COQ10B: variants seen among roughly 807,000 people sequenced by gnomAD.
COQ10B encodes coenzyme Q10B.
A neutral mutation model predicts 27.6 loss-of-function variants in COQ10B; 12 were observed. The observed-to-expected ratio is 0.43, with a 90% CI of 0.28 to 0.70. The LOEUF is 0.70. Among genes scored for constraint, COQ10B ranks in the 30% least tolerant of loss-of-function variants. The pLI is 0.17. For missense variants in COQ10B, 278 were observed against 288.7 expected (o/e 0.96, Z 0.27); for synonymous variants, 115 against 103.0 (o/e 1.12, Z -0.71).
chr2:197,475,241 A>C lies in COQ10B; in HGVS notation c.*1317A>C, dbSNP rs2085937841. ...TAAAAATATCTATGAAGATATCTAA[A>C]ATATCTATTTCTATGAAGAAACAGA... On this transcript the variant is annotated 3_prime_UTR_variant, in exon 5 of 5. Coordinates refer to ENST00000263960, the MANE Select transcript of COQ10B (RefSeq NM_025147.5). 6.6e-6 allele frequency: 1 copy of C among 152,256 alleles called. No homozygotes were observed. The highest frequency in any genetic ancestry group is 1.5e-5 in the Non-Finnish European group (1 of 68,030). 9.4% of individuals were successfully genotyped at this position (152,256 alleles called of 1,614,324 possible). A position where few individuals can be genotyped will look rare whatever the true frequency, so the allele number is the denominator to read the frequency against.
intron 2 of COQ10B, among the ~76,000 whole-genome samples, chr2:197,461,214 T>C (rs1418048097): frequency 1.3e-5 from 2 of 152,118 alleles, no homozygotes; most frequent in Admixed American, 6.6e-5. Flanking sequence ...TTTTTTCTCA[T>C]GTAGAGTTCA....
chr2:197,466,318 C>G (rs1279041555), intron 3 of COQ10B, among the ~76,000 whole-genome samples: 2 of 152,174 alleles, frequency 1.3e-5, no homozygotes, highest in Non-Finnish European at 2.9e-5. Flanking sequence ...AATGCACTTA[C>G]CTTCTTGATA....
At chr2:197,462,800 T>C (rs572610806) in intron 3 of COQ10B, 69 bp downstream of exon 3, 13 of 952,456 alleles carry the variant, frequency 1.4e-5, no homozygotes, top group Admixed American at 5.9e-5. Flanking sequence ...TGAGTTAAAA[T>C]GTAATAGCCT....
intron 3 of COQ10B, among the ~76,000 whole-genome samples, chr2:197,464,197 G>A (rs1181359171): frequency 2.0e-5 from 3 of 150,918 alleles, no homozygotes; most frequent in Admixed American, 1.3e-4. Context: ...TGTCAGAGGA[G>A]GATACACATG....
intron 3 of COQ10B, among the ~76,000 whole-genome samples, chr2:197,468,999 C>A (rs2106056554): frequency 6.6e-6 from 1 of 152,212 alleles, no homozygotes; most frequent in East Asian, 1.9e-4. Context: ...GCATCTCTTT[C>A]ATGGATCTCA....
At chr2:197,458,049 T>G (rs1485815445) in intron 1 of COQ10B, among the ~76,000 whole-genome samples, 2 of 152,124 alleles carry the variant, frequency 1.3e-5, no homozygotes, top group Non-Finnish European at 2.9e-5. Context: ...CATTGTATTA[T>G]AGAGCCCAAA....
chr2:197,467,024 G>A (rs189844363), intron 3 of COQ10B, among the ~76,000 whole-genome samples: 1 of 148,904 alleles, frequency 6.7e-6, no homozygotes, highest in African/African-American at 2.5e-5. Flanking sequence ...ACGGCTCACC[G>A]CTTCCTTTGC....
intron 1 of COQ10B, chr2:197,454,337 A>G (rs1049029808): frequency 2.2e-5 from 10 of 462,206 alleles, no homozygotes; most frequent in South Asian, 6.0e-5. Context: ...TACTAATAAC[A>G]TTGTAATATT....
At chr2:197,465,686 C>T (rs1202926442) in intron 3 of COQ10B, among the ~76,000 whole-genome samples, 2 of 152,094 alleles carry the variant, frequency 1.3e-5, no homozygotes, top group African/African-American at 4.8e-5. Context: ...GCGGAAGGAT[C>T]GCTTGAGCCC....
chr2:197,473,496 G>GTA (rs1163873512), intron 4 of COQ10B, among the ~76,000 whole-genome samples: 1 of 101,470 alleles, frequency 9.9e-6, no homozygotes, highest in South Asian at 3.3e-4. Flanking sequence ...ATGTATATAC[G>GTA]TATATATATA....
chr2:197,459,882 C>G, intron 1 of COQ10B, 50 bp from the exon 2 acceptor site: 1 of 1,390,984 alleles, frequency 7.2e-7, no homozygotes, highest in South Asian at 1.4e-5. Context: ...ATTTGTGCTT[C>G]CTTTTAATTT....
chr2:197,463,508 T>C (rs2085783867), intron 3 of COQ10B, among the ~76,000 whole-genome samples: 1 of 149,460 alleles, frequency 6.7e-6, no homozygotes, highest in Non-Finnish European at 1.5e-5. Context: ...AAATATGTCA[T>C]GTCAGGCAGC....
chr2:197,471,420 G>A lies in COQ10B; in HGVS notation c.549+1249G>A, dbSNP rs568158858. Among the ~76,000 whole-genome samples the A allele has an allele frequency of 4.0e-3, 605 of 152,212 alleles. 8 individuals are homozygous for A. The highest frequency in any genetic ancestry group is 0.036 in the South Asian group (175 of 4,816). On this transcript the variant is annotated intron_variant, in intron 4 of 4. Coordinates refer to ENST00000263960, the MANE Select transcript of COQ10B (RefSeq NM_025147.5). ...GCCTCCCAAAGTGCTGGGATTACAG[G>A]CGTGAGCCACCGCACCCAGCCTAGT... is the stretch of plus-strand genomic sequence containing the variant.
intron 2 of COQ10B, among the ~76,000 whole-genome samples, chr2:197,460,767 T>C (rs1478067778): frequency 6.6e-6 from 1 of 152,218 alleles, no homozygotes; most frequent in African/African-American, 2.4e-5. Context: ...ATAGTAACTA[T>C]ATTAGGTTTT....
At chr2:197,462,474 A>T (rs2085771230) in intron 2 of COQ10B, 65 bp from the exon 3 acceptor site, 3 of 803,896 alleles carry the variant, frequency 3.7e-6, no homozygotes, top group Non-Finnish European at 4.0e-6. Flanking sequence ...TATTCACTTT[A>T]AAGTATGCAT....
chr2:197,463,249 G>C (rs111837954), intron 3 of COQ10B, among the ~76,000 whole-genome samples: 40 of 152,098 alleles, frequency 2.6e-4, no homozygotes, highest in Non-Finnish European at 5.0e-4. Context: ...CAAGGCGAGC[G>C]GATTACGAGG....
In COQ10B at chr2:197,474,027, C is replaced by T. The variant is rs138803779; in HGVS notation, c.*103C>T. 26 of 953,316 alleles carry T rather than the reference C, an allele frequency of 2.7e-5. No homozygotes were observed. The highest frequency in any genetic ancestry group is 1.2e-4 in the African/African-American group (7 of 59,220). The allele number at this position is 953,316 out of a possible 1,614,324, so 59.1% of individuals were successfully genotyped here. A position where few individuals can be genotyped will look rare whatever the true frequency, so the allele number is the denominator to read the frequency against. On this transcript the variant is annotated 3_prime_UTR_variant, in exon 5 of 5. Coordinates refer to ENST00000263960, the MANE Select transcript of COQ10B (RefSeq NM_025147.5). ...CAGAAGCCAGAAAGCATTTGTTAAA[C>T]GCAGCTTTGGTTATAAACCTGCACC...
chr2:197,470,182 T>C lies in COQ10B; in HGVS notation c.549+11T>C, dbSNP rs1296491083. Reference sequence around the variant, plus strand: ...ACCTTGGATTTTTCAGTAAGTCTCATAAAGCCCTTGATTTGTTCCACTTAT... The same window carrying C: ...ACCTTGGATTTTTCAGTAAGTCTCACAAAGCCCTTGATTTGTTCCACTTAT... On this transcript the variant is annotated intron_variant, in intron 4 of 4. Coordinates refer to ENST00000263960, the MANE Select transcript of COQ10B (RefSeq NM_025147.5). 2.0e-6 allele frequency: 3 copies of C among 1,534,138 alleles called. No individual in the cohort carries two copies. The highest frequency in any genetic ancestry group is 3.4e-5 in the Admixed American group (2 of 59,302).
At position 197,474,083 on chromosome 2, in the gene COQ10B, AC is replaced by A. The variant is rs752489924; in HGVS notation, c.*160del. ...AAATTTGCACATAGAATATAGACTC[AC>A]TTGTACATAGAATTATTTCTTCAAG... On this transcript the variant is annotated 3_prime_UTR_variant, in exon 5 of 5. Transcript: ENST00000263960. 29 of 420,414 alleles carry A rather than the reference AC, an allele frequency of 6.9e-5. No homozygotes were observed. Among genetic ancestry groups the A allele is most frequent in the Non-Finnish European group, 1.1e-4 (26 of 241,262 alleles). The allele number at this position is 420,414 out of a possible 1,614,324, so 26.0% of individuals were successfully genotyped here.
Sources: allele counts gnomAD v4.1 joint callset (sites outside exome capture counted in the v4.1 genomes callset), GRCh38; gene constraint gnomAD v4.1.1; transcripts MANE v1.5; gene names NCBI Gene and HGNC (gene_info 2026-07-23, HGNC 2026-07-21).